The following PALLD variants were observed in gnomAD, a reference collection of about 807,000 sequenced individuals.
PALLD encodes palladin.
A neutral mutation model predicts 123.5 loss-of-function variants in PALLD; 61 were observed. That is an observed-to-expected ratio of 0.49 (90% CI 0.40 to 0.61). The LOEUF is 0.61. PALLD is among the 20% of genes least tolerant of loss of function. The pLI is 0.00. For missense variants in PALLD, 1,273 were observed against 1,377.0 expected (o/e 0.92, Z 1.20); for synonymous variants, 465 against 496.4 (o/e 0.94, Z 0.84).
intron 3 of PALLD, among the ~76,000 whole-genome samples, chr4:168,670,461 C>T (rs558654310): frequency 1.1e-4 from 17 of 151,860 alleles, no homozygotes; most frequent in African/African-American, 2.2e-4. Flanking sequence ...GGGCCGGGCG[C>T]GGTGGCTCAC....
intron 2 of PALLD, among the ~76,000 whole-genome samples, chr4:168,595,734 C>T (rs1771911799): frequency 6.6e-6 from 1 of 151,970 alleles, no homozygotes; most frequent in Non-Finnish European, 1.5e-5. Flanking sequence ...ACCTAAGAAA[C>T]CTAAAAATAA....
At chr4:168,531,095 T>C (rs1343577904) in intron 2 of PALLD, among the ~76,000 whole-genome samples, 1 of 152,218 alleles carries the variant, frequency 6.6e-6, no homozygotes, top group East Asian at 1.9e-4. Flanking sequence ...TAAAAAGGAC[T>C]AGAAAATAAT....
At chr4:168,722,417 A>T (rs748399437) in intron 10 of PALLD, among the ~76,000 whole-genome samples, 8 of 152,212 alleles carry the variant, frequency 5.3e-5, no homozygotes, top group Non-Finnish European at 1.2e-4. Flanking sequence ...AGAAAGTAGG[A>T]TGAAAACTTT....
chr4:168,542,002 A>G (rs1002155407), intron 2 of PALLD, among the ~76,000 whole-genome samples: 3 of 152,146 alleles, frequency 2.0e-5, no homozygotes, highest in Non-Finnish European at 2.9e-5. Flanking sequence ...GTGGTGGTGG[A>G]TCTACCCTAA....
chr4:168,678,769 G>A (rs1781129970), intron 3 of PALLD, among the ~76,000 whole-genome samples: 1 of 134,732 alleles, frequency 7.4e-6, no homozygotes, highest in Admixed American at 7.1e-5. Context: ...AAGATCAGAG[G>A]GGTATGTGTG....
intron 2 of PALLD, among the ~76,000 whole-genome samples, chr4:168,560,100 G>T (rs1668716208): frequency 6.6e-6 from 1 of 152,106 alleles, no homozygotes; most frequent in South Asian, 2.1e-4. Context: ...GAGTATAAAG[G>T]GGTGTAATGA....
intron 10 of PALLD, among the ~76,000 whole-genome samples, chr4:168,714,596 G>T (rs60850451): frequency 5.0e-4 from 76 of 151,952 alleles, no homozygotes; most frequent in African/African-American, 1.7e-3. Flanking sequence ...TATTTGCCTC[G>T]TGTGGTCAGC....
At chr4:168,734,753 G>A (rs144761375) in intron 10 of PALLD, among the ~76,000 whole-genome samples, 2 of 152,220 alleles carry the variant, frequency 1.3e-5, no homozygotes, top group African/African-American at 4.8e-5. Flanking sequence ...CACTAAAACT[G>A]AAAAGGAGAG....
intron 3 of PALLD, among the ~76,000 whole-genome samples, chr4:168,679,680 G>T (rs974269696): frequency 1.3e-5 from 2 of 151,978 alleles, no homozygotes; most frequent in African/African-American, 2.4e-5. Flanking sequence ...AGAAGTTCTG[G>T]CAGATAGAGG....
rs1476341917 is a variant in PALLD at position 168,760,668 on chromosome 4, AC to A, written c.1964+48748del. On this transcript the variant is annotated intron_variant, in intron 10 of 21. Coordinates refer to ENST00000505667, the MANE Select transcript of PALLD (RefSeq NM_001166108.2). Reference sequence around the variant, plus strand: ...AAACCCCATGTCTAACATCTGTCTCACCCAAGAGCATGCTGGAAAATTCTTT... The same window carrying A: ...AAACCCCATGTCTAACATCTGTCTCACCAAGAGCATGCTGGAAAATTCTTT... Among the ~76,000 whole-genome samples the A allele has an allele frequency of 5.3e-5, 8 of 152,240 alleles. 1 individual carries two copies. The South Asian group carries it at 1.7e-3, about 32-fold the overall frequency.
chr4:168,610,456 G>A (rs1248320192), intron 2 of PALLD, among the ~76,000 whole-genome samples: 5 of 152,158 alleles, frequency 3.3e-5, no homozygotes, highest in African/African-American at 1.2e-4. Flanking sequence ...GGACTTCGTC[G>A]AAGGTTGTGT....
chr4:168,632,215 A>C (rs1477174270), intron 2 of PALLD, among the ~76,000 whole-genome samples: 1 of 151,398 alleles, frequency 6.6e-6, no homozygotes, highest in Non-Finnish European at 1.5e-5. Flanking sequence ...AAAAAATGAT[A>C]CTTTTAGAGA....
chr4:168,587,103 A>AC (rs1366328781), intron 2 of PALLD, among the ~76,000 whole-genome samples: 1 of 152,014 alleles, frequency 6.6e-6, no homozygotes, highest in Non-Finnish European at 1.5e-5. Flanking sequence ...TGCCCTGGAC[A>AC]CCCCCCGACG....
At chr4:168,744,156 C>T (rs12499103) in intron 10 of PALLD, among the ~76,000 whole-genome samples, 34,175 of 151,928 alleles carry the variant, frequency 0.22, 4,741 homozygotes, top group Non-Finnish European at 0.3. Context: ...GGATATTTCC[C>T]TCTCCAAATA....
chr4:168,717,699 C>G (rs569555974), intron 10 of PALLD, among the ~76,000 whole-genome samples: 1 of 152,262 alleles, frequency 6.6e-6, no homozygotes, highest in Non-Finnish European at 1.5e-5. Context: ...TTTCAAACCC[C>G]ATCAACTCCA....
intron 2 of PALLD, among the ~76,000 whole-genome samples, chr4:168,656,602 C>A (rs184263263): frequency 6.6e-5 from 10 of 152,194 alleles, no homozygotes; most frequent in African/African-American, 2.2e-4. Context: ...CTAGTTTACC[C>A]GAAACAGTTA....
intron 10 of PALLD, among the ~76,000 whole-genome samples, chr4:168,841,574 A>G (rs33997328): frequency 0.13 from 19,928 of 152,120 alleles, 1,416 homozygotes; most frequent in African/African-American, 0.19. Context: ...GGTTGAGTAG[A>G]CACCTCAGCC....
chr4:168,776,670 C>T (rs1735209753), intron 10 of PALLD, among the ~76,000 whole-genome samples: 1 of 152,230 alleles, frequency 6.6e-6, no homozygotes. Flanking sequence ...AAGGCAGTTT[C>T]CTTCTATTCC....
At chr4:168,926,103 G>A (rs1161346399) in intron 21 of PALLD, 110 bp from the exon 22 acceptor site, 13 of 831,698 alleles carry the variant, frequency 1.6e-5, no homozygotes, top group Non-Finnish European at 2.3e-5. Flanking sequence ...TACCATGGAT[G>A]TGTTCAGGTG....
Sources: allele counts gnomAD v4.1 joint callset (sites outside exome capture counted in the v4.1 genomes callset), GRCh38; gene constraint gnomAD v4.1.1; transcripts MANE v1.5; gene names NCBI Gene and HGNC (gene_info 2026-07-23, HGNC 2026-07-21).